Variants in RYK observed in about 807,000 individuals in gnomAD.
The protein encoded by RYK is inactive tyrosine-protein kinase RYK.
In RYK, 21 loss-of-function variants were observed where a neutral mutation model predicts 70.2. The ratio of observed to expected loss-of-function variants is 0.30; its 90% confidence interval spans 0.21 to 0.43. RYK has a LOEUF of 0.43. Ranked by LOEUF, RYK falls within the 20% of genes least tolerant of loss-of-function variation. The pLI is 1.00. For synonymous variants in RYK, 267 were observed against 278.0 expected (o/e 0.96, Z 0.39); for missense variants, 604 against 753.3 (o/e 0.80, Z 2.32).
At chr3:134,244,053 C>T (rs2015391185) in intron 1 of RYK, among the ~76,000 whole-genome samples, 1 of 152,158 alleles carries the variant, frequency 6.6e-6, no homozygotes, top group African/African-American at 2.4e-5. Flanking sequence ...TGTGAACATT[C>T]TTGACTTTTC....
chr3:134,202,866 C>A lies in RYK; in HGVS notation c.652G>T (p.Val218Leu). 1 of 1,611,310 alleles carries A rather than the reference C, an allele frequency of 6.2e-7. No homozygotes were observed. The highest frequency in any genetic ancestry group is 2.2e-5 in the East Asian group (1 of 44,824). Residue 218 changes from valine to leucine, a missense_variant, in exon 6 of 15, where the codon GTA becomes TTA. This residue lies in a region of RYK where 466 missense variants were observed against 535.9 expected (regional missense o/e 0.87). Coordinates refer to ENST00000623711, the MANE Select transcript of RYK (RefSeq NM_002958.4). ...KNTSRTIYDPVHAAPTTSTRV... is the reference protein window; with the variant it reads ...KNTSRTIYDPLHAAPTTSTRV... ...GTAGAAGTGGTTGGAGCTGCATGTA[C>A]AGGATCATCTGAAATAAAAACAAAA... is the stretch of plus-strand genomic sequence containing the variant.
chr3:134,192,601 G>A (rs1365735360), intron 7 of RYK, among the ~76,000 whole-genome samples: 1 of 151,952 alleles, frequency 6.6e-6, no homozygotes, highest in Non-Finnish European at 1.5e-5. Context: ...TTAATTCAAT[G>A]ACAGTAAAAA....
At chr3:134,209,038 A>G (rs559290326) in intron 4 of RYK, among the ~76,000 whole-genome samples, 1 of 152,222 alleles carries the variant, frequency 6.6e-6, no homozygotes, top group African/African-American at 2.4e-5. Flanking sequence ...TGTAAGGAGA[A>G]CTCTAAAATT....
At chr3:134,235,872 T>C (rs1167172675) in intron 1 of RYK, among the ~76,000 whole-genome samples, 1 of 152,054 alleles carries the variant, frequency 6.6e-6, no homozygotes, top group Non-Finnish European at 1.5e-5. Flanking sequence ...GGTAACTCTT[T>C]ATGAGACTAG....
At chr3:134,197,911 G>T (rs2013864839) in intron 6 of RYK, among the ~76,000 whole-genome samples, 1 of 152,212 alleles carries the variant, frequency 6.6e-6, no homozygotes, top group South Asian at 2.1e-4. Context: ...GCACACAAAG[G>T]CGTTACAGGG....
In RYK at chr3:134,249,917, G is replaced by GTTTTTTTTTTTTTTTTTTTTTTTT. The variant is rs71624038; in HGVS notation, c.232+482_232+505dup. On this transcript the variant is annotated intron_variant, in intron 1 of 14. Transcript: ENST00000623711. ...TATAACCTCCCCTTCTTTCTCTCTC[G>GTTTTTTTTTTTTTTTTTTTTTTTT]TTTTTTTTTTTTTTTTTTTTTTTTT... 3.2e-5 allele frequency among the ~76,000 whole-genome samples: 3 copies of GTTTTTTTTTTTTTTTTTTTTTTTT among 93,336 alleles called. 1 individual carries two copies. The highest frequency in any genetic ancestry group is 1.6e-4 in the African/African-American group (3 of 18,902). 61.2% of individuals were successfully genotyped at this position (93,336 alleles called of 152,430 possible).
chr3:134,220,036 G>C (rs964881829), intron 2 of RYK, among the ~76,000 whole-genome samples: 2 of 152,194 alleles, frequency 1.3e-5, no homozygotes, highest in African/African-American at 2.4e-5. Context: ...CCAGTCATGG[G>C]ACAAATTGGC....
At chr3:134,160,177 T>C (rs2012408719) in intron 13 of RYK, among the ~76,000 whole-genome samples, 1 of 152,230 alleles carries the variant, frequency 6.6e-6, no homozygotes, top group African/African-American at 2.4e-5. Flanking sequence ...ATCAGGTTTA[T>C]GAGTACCTAC....
At chr3:134,171,577 G>A (rs1248980145) in intron 13 of RYK, among the ~76,000 whole-genome samples, 1 of 152,160 alleles carries the variant, frequency 6.6e-6, no homozygotes, top group African/African-American at 2.4e-5. Flanking sequence ...GTTAAATTAA[G>A]TAATACAGGC....
At chr3:134,201,770 G>A (rs1421380779) in intron 6 of RYK, among the ~76,000 whole-genome samples, 1 of 152,154 alleles carries the variant, frequency 6.6e-6, no homozygotes, top group East Asian at 1.9e-4. Context: ...AGCAATAAGA[G>A]GAGAAAAGGT....
In RYK at chr3:134,210,903, C is replaced by T. The variant is rs186370379; in HGVS notation, c.454+605G>A. Among the ~76,000 whole-genome samples the T allele has an allele frequency of 9.9e-5, 15 of 152,194 alleles. No individual in the cohort carries two copies. In the South Asian group the frequency reaches 2.9e-3, roughly 29 times the overall value. On this transcript the variant is annotated intron_variant, in intron 3 of 14. Transcript: ENST00000623711. Reference sequence around the variant, plus strand: ...AAAAAAGACAGTGCAGATCTTGAGTCTTGCAGAATGAGTAGGATGAATAGA... The same window carrying T: ...AAAAAAGACAGTGCAGATCTTGAGTTTTGCAGAATGAGTAGGATGAATAGA...
At chr3:134,238,078 C>T (rs924619717) in intron 1 of RYK, among the ~76,000 whole-genome samples, 5 of 152,148 alleles carry the variant, frequency 3.3e-5, no homozygotes, top group African/African-American at 7.2e-5. Flanking sequence ...GTTTGTTCAT[C>T]AGAATGTAAT....
intron 1 of RYK, among the ~76,000 whole-genome samples, chr3:134,245,421 A>G (rs1161098725): frequency 1.3e-5 from 2 of 152,130 alleles, no homozygotes; most frequent in Non-Finnish European, 2.9e-5. Flanking sequence ...ACAAACAGAA[A>G]AGGAAAGACA....
intron 1 of RYK, among the ~76,000 whole-genome samples, chr3:134,228,003 G>A (rs1412338627): frequency 6.6e-6 from 1 of 152,136 alleles, no homozygotes; most frequent in East Asian, 1.9e-4. Flanking sequence ...AAAATTAAAA[G>A]TTAAGGCCAG....
chr3:134,173,263 G>C (rs1050212613), intron 13 of RYK, among the ~76,000 whole-genome samples: 1 of 150,226 alleles, frequency 6.7e-6, no homozygotes, highest in African/African-American at 2.5e-5. Context: ...TCTGGTGATA[G>C]AGCGAGACTC....
intron 2 of RYK, among the ~76,000 whole-genome samples, chr3:134,212,736 A>C (rs771647824): frequency 8.5e-5 from 13 of 152,210 alleles, no homozygotes; most frequent in African/African-American, 7.2e-5. Context: ...AGAGGGAAAG[A>C]GTATCATCCC....
intron 3 of RYK, 77 bp downstream of exon 3, chr3:134,211,431 G>T: frequency 1.1e-6 from 1 of 937,238 alleles, no homozygotes; most frequent in Non-Finnish European, 1.7e-6. Flanking sequence ...CTACACATCA[G>T]TAAACTTCTG....
chr3:134,169,011 C>T (rs1050340413), intron 13 of RYK, among the ~76,000 whole-genome samples: 5 of 152,186 alleles, frequency 3.3e-5, no homozygotes, highest in Non-Finnish European at 7.4e-5. Flanking sequence ...CTCCAGACTT[C>T]CTTTTATTTT....
chr3:134,163,095 A>G (rs1046555549), intron 13 of RYK, among the ~76,000 whole-genome samples: 4 of 152,358 alleles, frequency 2.6e-5, no homozygotes, highest in African/African-American at 7.2e-5. Context: ...TTTTGTTCAC[A>G]TTACTGCCCA....
Sources: allele counts gnomAD v4.1 joint callset (sites outside exome capture counted in the v4.1 genomes callset), GRCh38; gene constraint gnomAD v4.1.1; regional missense constraint gnomAD v4.1.1; transcripts MANE v1.5; gene names NCBI Gene and HGNC (gene_info 2026-07-23, HGNC 2026-07-21).